Variants in WDPCP observed in about 807,000 individuals in gnomAD.
WDPCP encodes WD repeat-containing and planar cell polarity effector protein fritz homolog.
In WDPCP, 71 loss-of-function variants were observed where a neutral mutation model predicts 93.1. The observed-to-expected ratio is 0.76, with a 90% confidence interval of 0.63 to 0.93. WDPCP has a LOEUF of 0.93. Ranked by LOEUF, WDPCP falls within the 40% of genes least tolerant of loss-of-function variation. The pLI is 0.00. For synonymous variants in WDPCP, 315 were observed against 315.0 expected, an observed-to-expected ratio of 1.00 and a Z score of 0.00; for missense variants, 844 against 887.4, an observed-to-expected ratio of 0.95 and a Z score of 0.62.
intron 2 of WDPCP, among the ~76,000 whole-genome samples, chr2:63,798,620 A>G (rs1398807804): frequency 6.6e-6 from 1 of 152,166 alleles, no homozygotes; most frequent in Admixed American, 6.5e-5. Flanking sequence ...ATGAGAGAAA[A>G]ACACCTTTAC....
chr2:63,617,828 A>G (rs1709688894), intron 3 of WDPCP, among the ~76,000 whole-genome samples: 1 of 152,192 alleles, frequency 6.6e-6, no homozygotes, highest in Non-Finnish European at 1.5e-5. Flanking sequence ...GCTCAAAATA[A>G]TCAGCATGCC....
intron 2 of WDPCP, chr2:63,717,106 T>C (rs1558892911): frequency 2.9e-6 from 1 of 339,372 alleles, no homozygotes; most frequent in Non-Finnish European, 5.6e-6. Flanking sequence ...CTCCACTATA[T>C]TCTGGAGTTC....
In WDPCP at chr2:63,730,946, GAAA is replaced by G. The variant is rs111256921; in HGVS notation, n.309-80111_309-80109del. Among the ~76,000 whole-genome samples, 21 of 144,162 alleles carry G rather than the reference GAAA, an allele frequency of 1.5e-4. No homozygotes were observed. In the East Asian group the frequency reaches 3.4e-3, roughly 23 times the overall value. The allele number at this position is 144,162 out of a possible 152,430, so 94.6% of individuals were successfully genotyped here. ...AGAAAGGTAAAATAGCCAAGTACAT[GAAA>G]AAAAAAAAATACAAGCACTATCTTA... On this transcript the variant is annotated intron_variant and non_coding_transcript_variant, in intron 2 of 4. Coordinates refer to the WDPCP transcript ENST00000467687.
chr2:63,556,703 A>G (rs546529375), intron 1 of WDPCP, among the ~76,000 whole-genome samples: 2 of 152,290 alleles, frequency 1.3e-5, no homozygotes, highest in Non-Finnish European at 2.9e-5. Flanking sequence ...ATCAACCGCA[A>G]GACACATAAT....
rs895044892 is a variant in WDPCP, at chr2:63,808,308, C to A, written n.308+5314G>T. On this transcript the variant is annotated intron_variant and non_coding_transcript_variant, in intron 2 of 4. Transcript: ENST00000467687. ...CTTCGCTCCCTCTCCCTCTCCCTCT[C>A]CCCTCTCCCTCTCCCCTCTCCCCTC... 9.3e-5 allele frequency among the ~76,000 whole-genome samples: 13 copies of A among 139,558 alleles called. 1 individual carries two copies. In the South Asian group the frequency reaches 3.2e-3, roughly 34 times the overall value. The allele number at this position is 139,558 out of a possible 152,430, so 91.6% of individuals were successfully genotyped here.
intron 14 of WDPCP, among the ~76,000 whole-genome samples, chr2:63,213,196 T>A (rs1435035527): frequency 6.6e-5 from 10 of 152,216 alleles, no homozygotes; most frequent in African/African-American, 2.2e-4. Context: ...CATCGCACTT[T>A]TTCCAAAATT....
intron 2 of WDPCP, among the ~76,000 whole-genome samples, chr2:63,760,618 T>A (rs1334412632): frequency 6.6e-6 from 1 of 152,176 alleles, no homozygotes; most frequent in African/African-American, 2.4e-5. Context: ...CCTGGGACCC[T>A]GATTATTAGA....
At chr2:63,304,128 A>C (rs1685541671) in intron 13 of WDPCP, among the ~76,000 whole-genome samples, 1 of 152,206 alleles carries the variant, frequency 6.6e-6, no homozygotes, top group African/African-American at 2.4e-5. Context: ...CAGCAATCCC[A>C]CAACTGGGCA....
At chr2:63,594,612 A>C (rs1268447476) in intron 3 of WDPCP, 1 of 1,472,548 alleles carries the variant, frequency 6.8e-7, no homozygotes, top group South Asian at 1.2e-5. Flanking sequence ...TATAAATCTT[A>C]AGTTATTAGA....
intron 1 of WDPCP, among the ~76,000 whole-genome samples, chr2:63,537,618 C>T (rs1004162470): frequency 3.6e-4 from 55 of 152,252 alleles, no homozygotes; most frequent in African/African-American, 1.2e-3. Context: ...CTGAAATGCA[C>T]TTACCTATCC....
chr2:63,381,463 G>C (rs1169328734), intron 11 of WDPCP, among the ~76,000 whole-genome samples: 1 of 152,004 alleles, frequency 6.6e-6, no homozygotes, highest in Non-Finnish European at 1.5e-5. Context: ...TACAAAAAAA[G>C]GAAGTGTTAA....
rs375235225 is a variant in WDPCP, at chr2:63,825,840, A to G, written n.222+1782T>C. The stretch of plus-strand genomic sequence containing the variant: ...CACATGGCTACAACTAACTCCAAAG[A>G]AGACAAGGAAGAGCAATCTTACCAA... On this transcript the variant is annotated intron_variant and non_coding_transcript_variant, in intron 1 of 4. Transcript: ENST00000467687. 1.8e-4 allele frequency among the ~76,000 whole-genome samples: 27 copies of G among 152,224 alleles called. 1 individual carries two copies. The South Asian group carries it at 5.4e-3, about 30-fold the overall frequency.
chr2:63,514,751 GCCAA>G (rs1229221593), intron 1 of WDPCP, among the ~76,000 whole-genome samples: 1 of 152,152 alleles, frequency 6.6e-6, no homozygotes, highest in Admixed American at 6.5e-5. Context: ...GGGTTTAGGA[GCCAA>G]CCCTGCAATT....
chr2:63,711,574 T>A (rs11686956), intron 2 of WDPCP: 1 of 152,074 alleles, frequency 6.6e-6, no homozygotes, highest in East Asian at 1.9e-4. Flanking sequence ...CTGGACAACA[T>A]AGTGAGACCC....
chr2:63,353,352 G>A lies in WDPCP; in HGVS notation c.1748+25034C>T, dbSNP rs1027643919. 4.6e-5 allele frequency among the ~76,000 whole-genome samples: 7 copies of A among 152,250 alleles called. No individual in the cohort carries two copies. The East Asian group carries it at 1.2e-3, about 25-fold the overall frequency. On this transcript the variant is annotated intron_variant, in intron 12 of 17. Transcript: ENST00000272321. Reference sequence around the variant, plus strand: ...ATTGGAACATACCCCTAGGAAAGAGGCTGAATCCAAGGGACTGAGCAAAAA... The same window carrying A: ...ATTGGAACATACCCCTAGGAAAGAGACTGAATCCAAGGGACTGAGCAAAAA...
At chr2:63,766,547 A>G (rs1341862088) in intron 2 of WDPCP, among the ~76,000 whole-genome samples, 1 of 151,486 alleles carries the variant, frequency 6.6e-6, no homozygotes, top group African/African-American at 2.4e-5. Context: ...CTCTATGGAT[A>G]TACTTAATCT....
At chr2:63,400,457 A>C (rs1007453508) in intron 10 of WDPCP, among the ~76,000 whole-genome samples, 6 of 152,250 alleles carry the variant, frequency 3.9e-5, no homozygotes, top group Non-Finnish European at 8.8e-5. Context: ...ACAGAATGGG[A>C]GAAAATATTT....
intron 17 of WDPCP, among the ~76,000 whole-genome samples, chr2:63,148,810 A>C (rs1019774162): frequency 1.3e-5 from 2 of 152,086 alleles, no homozygotes; most frequent in Admixed American, 6.6e-5. Flanking sequence ...CTCATGCCAT[A>C]AAAGTTAAGC....
intron 12 of WDPCP, among the ~76,000 whole-genome samples, chr2:63,334,952 A>G (rs943684089): frequency 6.6e-6 from 1 of 152,184 alleles, no homozygotes; most frequent in African/African-American, 2.4e-5. Context: ...ATGTAAATTG[A>G]TAGCTTATCT....
Sources: gnomAD v4.1 joint callset for allele counts (sites outside exome capture counted in the v4.1 genomes callset) on GRCh38, gnomAD v4.1.1 for gene constraint, MANE v1.5 for transcripts, NCBI Gene and HGNC (gene_info 2026-07-23, HGNC 2026-07-21) for gene names.